PCSK6: variants seen among roughly 807,000 people sequenced by gnomAD.
The protein encoded by PCSK6 is paired basic amino acid cleaving enzyme 4.
A neutral mutation model predicts 123.3 loss-of-function variants in PCSK6; 85 were observed. That is an observed-to-expected ratio of 0.69 (90% CI 0.58 to 0.83). The LOEUF is 0.83. PCSK6 is among the 40% of genes least tolerant of loss of function. The pLI, the probability that PCSK6 is intolerant of heterozygous loss-of-function variation, is 0.00. For missense variants in PCSK6, 1,191 were observed against 1,282.3 expected, an observed-to-expected ratio of 0.93 and a Z score of 1.09; for synonymous variants, 508 against 516.0, an observed-to-expected ratio of 0.98 and a Z score of 0.21.
At chr15:101,315,905 G>A (rs2039980914) in intron 19 of PCSK6, among the ~76,000 whole-genome samples, 1 of 152,222 alleles carries the variant, frequency 6.6e-6, no homozygotes, top group South Asian at 2.1e-4. Context: ...GGCTCATCTC[G>A]ATCGAGTTGC....
intron 12 of PCSK6, among the ~76,000 whole-genome samples, chr15:101,369,744 C>T (rs576641791): frequency 1.6e-5 from 2 of 126,536 alleles, no homozygotes; most frequent in South Asian, 4.3e-4. Flanking sequence ...GACTCCATAG[C>T]CTCCCAAAAA....
At chr15:101,390,402 A>G (rs903556) in intron 8 of PCSK6, among the ~76,000 whole-genome samples, 61,018 of 113,492 alleles carry the variant, frequency 0.54, 22,658 homozygotes, top group African/African-American at 0.69. Context: ...CTTTGCAGAT[A>G]GAGTTAAGGT....
intron 7 of PCSK6, among the ~76,000 whole-genome samples, chr15:101,397,695 C>T (rs540358969): frequency 1.3e-5 from 2 of 152,242 alleles, no homozygotes; most frequent in African/African-American, 4.8e-5. Flanking sequence ...CAGAAATCTG[C>T]CTTGCCACCC....
At chr15:101,340,232 C>T (rs1055515723) in intron 13 of PCSK6, among the ~76,000 whole-genome samples, 45 of 152,216 alleles carry the variant, frequency 3.0e-4, no homozygotes, top group African/African-American at 1.1e-3. Context: ...CCTGAGCACA[C>T]ACACATACAC....
At chr15:101,345,097 C>G (rs1392577788) in intron 13 of PCSK6, among the ~76,000 whole-genome samples, 1 of 152,096 alleles carries the variant, frequency 6.6e-6, no homozygotes. Context: ...TTGGGTGCCC[C>G]TGAGGTCCCA....
intron 13 of PCSK6, among the ~76,000 whole-genome samples, chr15:101,357,651 G>A (rs886960983): frequency 6.6e-6 from 1 of 152,246 alleles, no homozygotes. Flanking sequence ...CGGCCGTCCT[G>A]CCCACCTGGC....
intron 13 of PCSK6, among the ~76,000 whole-genome samples, chr15:101,342,226 TACA>T (rs538196238): frequency 2.7e-5 from 4 of 146,894 alleles, no homozygotes; most frequent in Non-Finnish European, 6.0e-5. Flanking sequence ...AAGTAAAATA[TACA>T]ACACCATTAC....
intron 15 of PCSK6, among the ~76,000 whole-genome samples, chr15:101,328,376 C>A (rs962608053): frequency 6.6e-6 from 1 of 152,158 alleles, no homozygotes; most frequent in African/African-American, 2.4e-5. Context: ...GGGAGACGGG[C>A]GGGCAGGGCT....
At chr15:101,416,895 A>C (rs2055905908) in intron 6 of PCSK6, among the ~76,000 whole-genome samples, 1 of 152,188 alleles carries the variant, frequency 6.6e-6, no homozygotes, top group East Asian at 1.9e-4. Context: ...CCCAGGCAGA[A>C]CTTTGCTGCA....
intron 13 of PCSK6, among the ~76,000 whole-genome samples, chr15:101,360,566 C>T (rs1271965102): frequency 8.6e-6 from 1 of 116,928 alleles, no homozygotes; most frequent in Non-Finnish European, 1.7e-5. Flanking sequence ...CTGGAACACA[C>T]CAGGCACACT....
rs28594499 is a variant in PCSK6, at chr15:101,314,473, C to T, written c.2570-968G>A. Among the ~76,000 whole-genome samples, 1,482 of 152,330 alleles carry T rather than the reference C, an allele frequency of 9.7e-3. 29 individuals are homozygous for T. The highest frequency in any genetic ancestry group is 0.034 in the African/African-American group (1,422 of 41,566). On this transcript the variant is annotated intron_variant, in intron 19 of 21. Transcript: ENST00000611716. ...AATGCCCAGGTAAACCTCCTCACAG[C>T]TGCTTCAGTTCGATTGTGGTCGCAG...
chr15:101,384,059 G>T, intron 10 of PCSK6: 2 of 929,830 alleles, frequency 2.2e-6, no homozygotes, highest in Non-Finnish European at 2.6e-6. Context: ...AGTAAATATT[G>T]GTATAGGTGG....
In PCSK6 at chr15:101,347,557, G is replaced by A. The variant is rs1055560073; in HGVS notation, c.1859-15526C>T. Reference sequence around the variant, plus strand: ...ATTTAAACAAGGTTCATGCTTGCACGCACACGCATTCATGCAGTCAATCAA... The same window carrying A: ...ATTTAAACAAGGTTCATGCTTGCACACACACGCATTCATGCAGTCAATCAA... On this transcript the variant is annotated intron_variant, in intron 13 of 21. Coordinates refer to ENST00000611716, the MANE Select transcript of PCSK6 (RefSeq NM_002570.5). 15 of 1,399,536 alleles carry A rather than the reference G, an allele frequency of 1.1e-5. No homozygotes were observed. In the Admixed American group the frequency reaches 1.4e-4, roughly 13 times the overall value. The allele number at this position is 1,399,536 out of a possible 1,614,324, so 86.7% of individuals were successfully genotyped here.
At chr15:101,347,592 G>C (rs1451698227) in intron 13 of PCSK6, 2 of 1,479,496 alleles carry the variant, frequency 1.4e-6, no homozygotes, top group Non-Finnish European at 1.8e-6. Flanking sequence ...ACAACTGTTT[G>C]TGAGCCATGT....
At chr15:101,347,242 A>G (rs2040758304) in intron 13 of PCSK6, 1 of 1,232,538 alleles carries the variant, frequency 8.1e-7, no homozygotes, top group African/African-American at 1.5e-5. Context: ...CATCGAACAC[A>G]GATTGCAAAA....
chr15:101,352,226 C>T (rs2040911583), intron 13 of PCSK6, among the ~76,000 whole-genome samples: 1 of 142,664 alleles, frequency 7.0e-6, no homozygotes, highest in African/African-American at 2.7e-5. Context: ...CAGCTCACTG[C>T]AAGCTCTGCC....
At chr15:101,483,642 C>G (rs1164969972) in intron 1 of PCSK6, among the ~76,000 whole-genome samples, 1 of 152,210 alleles carries the variant, frequency 6.6e-6, no homozygotes, top group Admixed American at 6.5e-5. Context: ...TTGCTGCCAT[C>G]CTCTCCACAC....
intron 1 of PCSK6, among the ~76,000 whole-genome samples, chr15:101,485,709 G>A (rs533926300): frequency 1.6e-4 from 25 of 152,146 alleles, no homozygotes; most frequent in Non-Finnish European, 2.9e-4. Flanking sequence ...TTGGGTTTGA[G>A]TTGACTCTAC....
At chr15:101,422,564 TA>T (rs1047693585) in intron 6 of PCSK6, among the ~76,000 whole-genome samples, 1 of 150,914 alleles carries the variant, frequency 6.6e-6, no homozygotes, top group Non-Finnish European at 1.5e-5. Context: ...TAGCAAACAT[TA>T]AAAAAAAGAA....
Sources: gnomAD v4.1 joint callset for allele counts (sites outside exome capture counted in the v4.1 genomes callset) on GRCh38, gnomAD v4.1.1 for gene constraint, MANE v1.5 for transcripts, NCBI Gene and HGNC (gene_info 2026-07-23, HGNC 2026-07-21) for gene names.